The following LGR4 variants were observed in gnomAD, a reference collection of about 807,000 sequenced individuals.
The protein encoded by LGR4 is leucine rich repeat containing G protein-coupled receptor 4, also known as leucine-rich repeat-containing G protein-coupled receptor 4.
LGR4 carries 44 observed loss-of-function variants against 84.8 expected under a neutral mutation model. The ratio of observed to expected loss-of-function variants is 0.52; its 90% CI spans 0.41 to 0.67. LGR4 has a LOEUF of 0.67. Ranked by LOEUF, LGR4 falls within the 30% of genes least tolerant of loss-of-function variation. LGR4 has a pLI of 0.00. For missense variants in LGR4, 1,032 were observed against 1,131.4 expected, an observed-to-expected ratio of 0.91 and a Z score of 1.26; for synonymous variants, 429 against 434.3, an observed-to-expected ratio of 0.99 and a Z score of 0.15.
chr11:27,374,984 T>C (rs1434827804), intron 13 of LGR4, among the ~76,000 whole-genome samples: 1 of 152,046 alleles, frequency 6.6e-6, no homozygotes, highest in East Asian at 1.9e-4. Flanking sequence ...AAACTTTTTC[T>C]ATAATAGAAA....
At chr11:27,464,845 A>G (rs1864748657) in intron 1 of LGR4, among the ~76,000 whole-genome samples, 1 of 152,142 alleles carries the variant, frequency 6.6e-6, no homozygotes, top group African/African-American at 2.4e-5. Context: ...CCAGGGTACA[A>G]TGAGATTTTC....
intron 2 of LGR4, among the ~76,000 whole-genome samples, chr11:27,408,177 CCT>C (rs1186876263): frequency 2.0e-5 from 3 of 151,958 alleles, no homozygotes; most frequent in African/African-American, 4.8e-5. Context: ...TTGACCCACC[CCT>C]GTTTTTATTT....
At chr11:27,384,291 C>T (rs762887643) in intron 6 of LGR4, 45 bp downstream of exon 6, 3 of 1,249,960 alleles carry the variant, frequency 2.4e-6, no homozygotes, top group South Asian at 2.5e-5. Context: ...TAAAATTATA[C>T]TTTCAATATC....
chr11:27,408,161 T>C (rs1863647868), intron 2 of LGR4, among the ~76,000 whole-genome samples: 2 of 152,172 alleles, frequency 1.3e-5, no homozygotes, highest in Non-Finnish European at 2.9e-5. Context: ...TTTAAAACTA[T>C]TTAATTTGAC....
At chr11:27,471,441 C>T (rs1049336198) in intron 1 of LGR4, among the ~76,000 whole-genome samples, 1 of 152,246 alleles carries the variant, frequency 6.6e-6, no homozygotes, top group Non-Finnish European at 1.5e-5. Context: ...TGTCCACCAA[C>T]AGAACCCTGT....
At chr11:27,446,538 G>A (rs1864393345) in intron 1 of LGR4, among the ~76,000 whole-genome samples, 1 of 152,114 alleles carries the variant, frequency 6.6e-6, no homozygotes, top group South Asian at 2.1e-4. Flanking sequence ...GGAAACAACA[G>A]GTGCTGGAGA....
At chr11:27,375,829 A>G (rs974733733) in intron 13 of LGR4, among the ~76,000 whole-genome samples, 1 of 152,216 alleles carries the variant, frequency 6.6e-6, no homozygotes, top group Non-Finnish European at 1.5e-5. Context: ...TACACATTAC[A>G]CATTTTTCTA....
chr11:27,395,935 A>G (rs769005452), intron 2 of LGR4, among the ~76,000 whole-genome samples: 2 of 152,226 alleles, frequency 1.3e-5, no homozygotes, highest in African/African-American at 2.4e-5. Flanking sequence ...AGCAAAGTAA[A>G]TAAATAGCAA....
At position 27,412,782 on chromosome 11, in the gene LGR4, T is replaced by C. The variant is rs1479224779; in HGVS notation, c.257+7A>G. The C allele has an allele frequency of 3.3e-6, 5 of 1,518,614 alleles. No individual in the cohort carries two copies. Among genetic ancestry groups the C allele is most frequent in the Non-Finnish European group, 4.6e-6 (5 of 1,093,866 alleles). The allele number at this position is 1,518,614 out of a possible 1,614,324, so 94.1% of individuals were successfully genotyped here. On this transcript the variant is annotated splice_region_variant and intron_variant, in intron 2 of 17. Transcript: ENST00000379214. ...CATACACACACATTTCTCAAAGTAA[T>C]ACTTACAGCTCTTCTAGAAAAGGAA...
intron 1 of LGR4, among the ~76,000 whole-genome samples, chr11:27,468,250 T>C (rs1339114058): frequency 6.6e-6 from 1 of 152,152 alleles, no homozygotes; most frequent in Non-Finnish European, 1.5e-5. Flanking sequence ...ATACATACAC[T>C]GTGAAGGTTT....
chr11:27,423,365 T>A (rs934966375), intron 1 of LGR4, among the ~76,000 whole-genome samples: 1 of 152,172 alleles, frequency 6.6e-6, no homozygotes, highest in African/African-American at 2.4e-5. Flanking sequence ...GATTTCACCA[T>A]CCCCATAATG....
At chr11:27,454,235 A>C (rs1864533728) in intron 1 of LGR4, among the ~76,000 whole-genome samples, 1 of 152,186 alleles carries the variant, frequency 6.6e-6, no homozygotes, top group Non-Finnish European at 1.5e-5. Context: ...GATCAAACCC[A>C]TGTCATCTCA....
intron 2 of LGR4, among the ~76,000 whole-genome samples, chr11:27,409,340 C>A (rs1321869076): frequency 2.0e-5 from 3 of 152,084 alleles, no homozygotes; most frequent in Admixed American, 6.6e-5. Flanking sequence ...TCATGAACTC[C>A]AATAAGGCCC....
chr11:27,370,062 T>G (rs1423231031), intron 17 of LGR4, among the ~76,000 whole-genome samples: 2 of 152,208 alleles, frequency 1.3e-5, no homozygotes, highest in East Asian at 1.9e-4. Flanking sequence ...AAATTACAAC[T>G]GTTTTACTGA....
At chr11:27,447,345 G>A (rs1183278226) in intron 1 of LGR4, among the ~76,000 whole-genome samples, 1 of 152,024 alleles carries the variant, frequency 6.6e-6, no homozygotes, top group Non-Finnish European at 1.5e-5. Context: ...GGTGGTGTAA[G>A]CGTCCTCTGG....
At chr11:27,405,607 T>TA (rs1863591372) in intron 2 of LGR4, among the ~76,000 whole-genome samples, 2 of 152,104 alleles carry the variant, frequency 1.3e-5, no homozygotes, top group South Asian at 4.1e-4. Flanking sequence ...TCTTCTCTTC[T>TA]AAAAAAATTT....
intron 1 of LGR4, among the ~76,000 whole-genome samples, chr11:27,444,600 G>A (rs1202777273): frequency 1.3e-5 from 2 of 151,802 alleles, no homozygotes; most frequent in Admixed American, 6.6e-5. Flanking sequence ...GTCTATAATT[G>A]ATTTCTTTTT....
intron 12 of LGR4, 148 bp downstream of exon 12, chr11:27,377,010 C>T: frequency 1.9e-6 from 1 of 519,394 alleles, no homozygotes; most frequent in South Asian, 3.0e-5. Flanking sequence ...ATGAACACAT[C>T]TGGTTCAATT....
chr11:27,374,116 T>G, intron 13 of LGR4, 70 bp from the exon 14 acceptor site: 1 of 980,198 alleles, frequency 1.0e-6, no homozygotes, highest in East Asian at 2.4e-5. Flanking sequence ...TAGACTATAC[T>G]TTAGAATTAG....
Sources: gnomAD v4.1 joint callset for allele counts (sites outside exome capture counted in the v4.1 genomes callset) on GRCh38, gnomAD v4.1.1 for gene constraint, MANE v1.5 for transcripts, NCBI Gene and HGNC (gene_info 2026-07-23, HGNC 2026-07-21) for gene names.